The following ATP2B4 variants were observed in gnomAD, a reference collection of about 807,000 sequenced individuals.
The protein encoded by ATP2B4 is ATPase plasma membrane Ca2+ transporting 4.
Under a neutral mutation model 110.3 loss-of-function variants are expected in ATP2B4, and 39 were observed. That is an observed-to-expected ratio of 0.35 (90% CI 0.27 to 0.46). ATP2B4 has a LOEUF of 0.46. Among genes scored for constraint, ATP2B4 ranks in the 20% least tolerant of loss-of-function variants. The pLI is 1.00. For missense variants in ATP2B4, 1,135 were observed against 1,530.9 expected (o/e 0.74, Z 4.32); for synonymous variants, 538 against 571.7 (o/e 0.94, Z 0.84).
chr1:203,673,634 A>G (rs939548798), intron 1 of ATP2B4, among the ~76,000 whole-genome samples: 3 of 152,196 alleles, frequency 2.0e-5, no homozygotes, highest in African/African-American at 7.2e-5. Context: ...AGAGTGGAGA[A>G]AGGGAATGGG....
At chr1:203,669,875 C>T (rs983264069) in intron 1 of ATP2B4, among the ~76,000 whole-genome samples, 1 of 152,222 alleles carries the variant, frequency 6.6e-6, no homozygotes, top group Non-Finnish European at 1.5e-5. Context: ...GGTGATGACA[C>T]AACCTTTCTG....
At chr1:203,652,958 A>T (rs1036472720) in intron 1 of ATP2B4, among the ~76,000 whole-genome samples, 1 of 152,228 alleles carries the variant, frequency 6.6e-6, no homozygotes, top group Admixed American at 6.5e-5. Flanking sequence ...CTCACTAGAA[A>T]TCAAAAGCTA....
chr1:203,712,090 G>A lies in ATP2B4; in HGVS notation c.2162G>A (p.Cys721Tyr), dbSNP rs771223424. The change falls in exon 13 of 21, where the codon TGC becomes TAC. Residue 721 changes from cysteine (C) to tyrosine (Y), a missense_variant. By Grantham distance (194) the Cys-to-Tyr change is radical. Transcript: ENST00000357681. Reference protein sequence around the residue: ...GILTPGDDFLCLEGKEFNRLI... With the variant: ...GILTPGDDFLYLEGKEFNRLI... ...CTGACACCTGGGGATGACTTCCTGT[G>A]CTTAGAAGGCAAAGAATTCAACCGG... The A allele has an allele frequency of 1.2e-6, 2 of 1,614,164 alleles. No homozygotes were observed. Among genetic ancestry groups the A allele is most frequent in the Admixed American group, 1.7e-5 (1 of 60,022 alleles).
intron 1 of ATP2B4, among the ~76,000 whole-genome samples, chr1:203,664,956 C>A (rs558213782): frequency 6.6e-5 from 10 of 152,222 alleles, no homozygotes; most frequent in African/African-American, 2.2e-4. Flanking sequence ...CTCAGCCTCC[C>A]GAGTAGCTGG....
At chr1:203,727,287 G>C in intron 19 of ATP2B4, 108 bp from the exon 20 acceptor site, 1 of 1,301,486 alleles carries the variant, frequency 7.7e-7, no homozygotes, top group Non-Finnish European at 1.1e-6. Flanking sequence ...AGTGGGAAGG[G>C]TGGTAGGGCA....
intron 1 of ATP2B4, among the ~76,000 whole-genome samples, chr1:203,659,279 C>T (rs1664260902): frequency 6.6e-6 from 1 of 152,140 alleles, no homozygotes; most frequent in Non-Finnish European, 1.5e-5. Context: ...ATTACCATTT[C>T]TTGAGTAGCT....
intron 20 of ATP2B4, among the ~76,000 whole-genome samples, chr1:203,731,047 G>C (rs2102232205): frequency 6.6e-6 from 1 of 152,314 alleles, no homozygotes; most frequent in South Asian, 2.1e-4. Flanking sequence ...TTAGAGACTA[G>C]AATTGTGGAG....
At chr1:203,720,044 C>T (rs1666276303) in intron 15 of ATP2B4, among the ~76,000 whole-genome samples, 1 of 152,072 alleles carries the variant, frequency 6.6e-6, no homozygotes, top group Non-Finnish European at 1.5e-5. Flanking sequence ...TGCACTCCAG[C>T]CTGGACAAAG....
At chr1:203,678,425 C>CTTGG (rs1664894743) in intron 1 of ATP2B4, among the ~76,000 whole-genome samples, 1 of 129,896 alleles carries the variant, frequency 7.7e-6, no homozygotes, top group Non-Finnish European at 1.6e-5. Flanking sequence ...AGTCAGGGTC[C>CTTGG]CACTTGGTTT....
chr1:203,682,243 G>A (rs1263281888), intron 1 of ATP2B4, among the ~76,000 whole-genome samples: 38 of 152,186 alleles, frequency 2.5e-4, no homozygotes. Context: ...GTAAATGTGT[G>A]TGTTGGGAGT....
chr1:203,728,084 G>A (rs1427558073), intron 20 of ATP2B4: 1 of 397,074 alleles, frequency 2.5e-6, no homozygotes, highest in Non-Finnish European at 5.2e-6. Flanking sequence ...CATTCAAAGT[G>A]TAAGGCCATG....
intron 7 of ATP2B4, among the ~76,000 whole-genome samples, chr1:203,703,138 G>T (rs1303357647): frequency 6.6e-6 from 1 of 150,512 alleles, no homozygotes; most frequent in East Asian, 2.0e-4. Flanking sequence ...CCTGGGTCTG[G>T]GGGTATGTGT....
In ATP2B4 at chr1:203,723,916, T is replaced by C. The variant is rs371623112; in HGVS notation, c.3060T>C (p.Ser1020=). The C allele has an allele frequency of 1.2e-6, 2 of 1,611,474 alleles. No individual in the cohort carries two copies. The highest frequency in any genetic ancestry group is 1.7e-5 in the Admixed American group (1 of 59,584). Residue 1020 remains serine (S), a synonymous_variant, in exon 19 of 21, where the codon AGT becomes AGC. Coordinates refer to ENST00000357681, the MANE Select transcript of ATP2B4 (RefSeq NM_001684.5). ...TGGAATTTGGGGGTAAACCCTTCAG[T>C]TGTACAAGCCTCAGCCTGTCTCAGT... ...FIVEFGGKPF[S]CTSLSLSQWL...
At chr1:203,685,109 C>A (rs1429715370) in intron 2 of ATP2B4, among the ~76,000 whole-genome samples, 1 of 152,158 alleles carries the variant, frequency 6.6e-6, no homozygotes, top group African/African-American at 2.4e-5. Flanking sequence ...CCTCAACCTC[C>A]CAAAGTGCTG....
At chr1:203,690,693 C>A (rs1361810489) in intron 2 of ATP2B4, among the ~76,000 whole-genome samples, 2 of 152,126 alleles carry the variant, frequency 1.3e-5, no homozygotes, top group Non-Finnish European at 2.9e-5. Context: ...TGCCCTCTGC[C>A]CTGTAGCCAT....
At chr1:203,681,837 G>T (rs189324669) in intron 1 of ATP2B4, among the ~76,000 whole-genome samples, 1 of 151,782 alleles carries the variant, frequency 6.6e-6, no homozygotes, top group African/African-American at 2.4e-5. Flanking sequence ...TATCTGAATT[G>T]AGAGGTATCT....
intron 8 of ATP2B4, among the ~76,000 whole-genome samples, chr1:203,705,342 T>C (rs1408469624): frequency 6.6e-6 from 1 of 152,200 alleles, no homozygotes; most frequent in East Asian, 1.9e-4. Context: ...GTTTGAAACA[T>C]TAAATCTACC....
intron 2 of ATP2B4, among the ~76,000 whole-genome samples, chr1:203,683,716 C>T (rs2102362731): frequency 7.6e-6 from 1 of 132,076 alleles, no homozygotes; most frequent in African/African-American, 2.8e-5. Flanking sequence ...CTCTTTTACC[C>T]AGGCTGGAGT....
intron 15 of ATP2B4, among the ~76,000 whole-genome samples, chr1:203,720,014 T>C (rs969367177): frequency 6.6e-6 from 1 of 152,006 alleles, no homozygotes; most frequent in Admixed American, 6.6e-5. Flanking sequence ...GGAGCTTGCA[T>C]TTAGCTGAGA....
Sources: gnomAD v4.1 joint callset for allele counts (sites outside exome capture counted in the v4.1 genomes callset) on GRCh38, gnomAD v4.1.1 for gene constraint, MANE v1.5 for transcripts, NCBI Gene and HGNC (gene_info 2026-07-23, HGNC 2026-07-21) for gene names.